SOX5: variants seen among roughly 807,000 people sequenced by gnomAD.
SOX5 encodes the protein SRY-box transcription factor 5, also known as transcription factor SOX-5.
Under a neutral mutation model 92.0 loss-of-function variants are expected in SOX5, and 9 were observed. That is an observed-to-expected ratio of 0.10 (90% CI 0.06 to 0.17). SOX5 has a LOEUF of 0.17. Ranked by LOEUF, SOX5 falls within the 10% of genes least tolerant of loss-of-function variation. The pLI, the probability that SOX5 is intolerant of heterozygous loss-of-function variation, is 1.00. For synonymous variants in SOX5, 344 were observed against 336.3 expected (o/e 1.02, Z -0.25); for missense variants, 642 against 944.5 (o/e 0.68, Z 4.20).
intron 4 of SOX5, among the ~76,000 whole-genome samples, chr12:24,209,054 TAAAGGAA>T (rs1248372094): frequency 1.3e-5 from 2 of 152,176 alleles, no homozygotes; most frequent in African/African-American, 4.8e-5. Context: ...GAGTGGTAGC[TAAAGGAA>T]AAAGTAAAAT....
At chr12:24,506,091 T>G (rs76694156) in intron 1 of SOX5, among the ~76,000 whole-genome samples, 1 of 152,298 alleles carries the variant, frequency 6.6e-6, no homozygotes, top group East Asian at 1.9e-4. Flanking sequence ...CCCCTATGTG[T>G]GACCAAAAAA....
chr12:23,865,748 C>T (rs1019603363), intron 2 of SOX5, among the ~76,000 whole-genome samples: 1 of 152,052 alleles, frequency 6.6e-6, no homozygotes, highest in Non-Finnish European at 1.5e-5. Flanking sequence ...TGTATCTTGG[C>T]AAAGTAAATT....
chr12:24,109,181 T>C (rs948367168), intron 4 of SOX5, among the ~76,000 whole-genome samples: 72 of 152,196 alleles, frequency 4.7e-4, no homozygotes, highest in African/African-American at 1.6e-3. Flanking sequence ...CTTTAAAGAG[T>C]AATCAATTTT....
intron 2 of SOX5, among the ~76,000 whole-genome samples, chr12:24,364,509 T>A (rs1955940464): frequency 2.0e-5 from 2 of 99,778 alleles, no homozygotes; most frequent in Admixed American, 1.3e-4. Flanking sequence ...TTAACATTTT[T>A]TCATATATAT....
intron 1 of SOX5, among the ~76,000 whole-genome samples, chr12:24,466,831 C>T (rs983229427): frequency 1.3e-5 from 2 of 152,160 alleles, no homozygotes; most frequent in Admixed American, 6.5e-5. Context: ...ATTTTTAAAG[C>T]TCCCCAGGTA....
chr12:23,998,253 GA>G (rs1237308951), intron 4 of SOX5, among the ~76,000 whole-genome samples: 2 of 151,760 alleles, frequency 1.3e-5, no homozygotes, highest in African/African-American at 2.4e-5. Flanking sequence ...TAAAATTACT[GA>G]AAAAAATAAA....
chr12:23,952,727 T>G (rs1945813398), upstream of SOX5, among the ~76,000 whole-genome samples: 1 of 152,136 alleles, frequency 6.6e-6, no homozygotes, highest in Admixed American at 6.5e-5. Context: ...TTTGAACTAA[T>G]GGAACTCTAA....
intron 10 of SOX5, among the ~76,000 whole-genome samples, chr12:23,566,023 T>G (rs139704734): frequency 3.5e-4 from 53 of 152,330 alleles, no homozygotes; most frequent in Admixed American, 4.6e-4. Context: ...CATTTATGCC[T>G]ATTTTGCTCC....
At chr12:24,053,212 C>A (rs1238072786) in intron 4 of SOX5, among the ~76,000 whole-genome samples, 1 of 146,106 alleles carries the variant, frequency 6.8e-6, no homozygotes, top group African/African-American at 2.5e-5. Context: ...GATGGAGTCT[C>A]ACTCTGTTGC....
intron 2 of SOX5, among the ~76,000 whole-genome samples, chr12:24,279,864 C>T (rs567065134): frequency 6.6e-6 from 1 of 152,248 alleles, no homozygotes; most frequent in African/African-American, 2.4e-5. Context: ...CCTCTGTAAA[C>T]TGCAGGGGAG....
At chr12:23,536,892 T>A (rs1940609716) in intron 13 of SOX5, among the ~76,000 whole-genome samples, 1 of 152,114 alleles carries the variant, frequency 6.6e-6, no homozygotes, top group South Asian at 2.1e-4. Context: ...TGGTTTGCAT[T>A]CTAGCCAAAC....
intron 4 of SOX5, among the ~76,000 whole-genome samples, chr12:23,746,837 C>T (rs1301764448): frequency 2.0e-5 from 3 of 151,986 alleles, no homozygotes; most frequent in African/African-American, 7.2e-5. Flanking sequence ...TGGGTGGGAG[C>T]CGGTGGGAGG....
At chr12:24,331,848 C>CAAAAAAAAAAAAACAAAA in intron 2 of SOX5, among the ~76,000 whole-genome samples, 1 of 31,658 alleles carries the variant, frequency 3.2e-5, no homozygotes, top group Non-Finnish European at 5.2e-5. Context: ...AAGACTGTCT[C>CAAAAAAAAAAAAACAAAA]AAAAAAAAAA....
intron 3 of SOX5, among the ~76,000 whole-genome samples, chr12:24,270,497 A>C (rs1311513392): frequency 6.6e-6 from 1 of 152,214 alleles, no homozygotes; most frequent in Non-Finnish European, 1.5e-5. Context: ...GAAATCTATC[A>C]ACTATTTGCT....
At chr12:24,428,717 T>C (rs1967005703) in intron 1 of SOX5, among the ~76,000 whole-genome samples, 1 of 56,424 alleles carries the variant, frequency 1.8e-5, no homozygotes. Context: ...AGAGTGAGAC[T>C]CTGTTTCTCA....
At chr12:24,477,595 C>G (rs1346345712) in intron 1 of SOX5, among the ~76,000 whole-genome samples, 1 of 152,070 alleles carries the variant, frequency 6.6e-6, no homozygotes, top group African/African-American at 2.4e-5. Flanking sequence ...ATATATTTCT[C>G]AGTACTGTAG....
intron 11 of SOX5, among the ~76,000 whole-genome samples, chr12:23,549,459 G>T (rs1943764151): frequency 6.6e-6 from 1 of 151,820 alleles, no homozygotes; most frequent in Admixed American, 6.6e-5. Flanking sequence ...CCATTTAAAG[G>T]TCACCATTCT....
At position 23,870,764 on chromosome 12, in the gene SOX5, G is replaced by T. The variant is rs553659798; in HGVS notation, c.271-24571C>A. 2.7e-5 allele frequency among the ~76,000 whole-genome samples: 4 copies of T among 149,860 alleles called. No homozygotes were observed. The South Asian group carries it at 8.5e-4, about 32-fold the overall frequency. Reference sequence around the variant, plus strand: ...AAATTGGATTTGTGCCATTCCAAGTGGTTTTGAGGTGTTCATATTTCTTAA... The same window carrying T: ...AAATTGGATTTGTGCCATTCCAAGTTGTTTTGAGGTGTTCATATTTCTTAA... On this transcript the variant is annotated intron_variant, in intron 2 of 14. Coordinates refer to ENST00000451604, the MANE Select transcript of SOX5 (RefSeq NM_006940.6).
intron 1 of SOX5, among the ~76,000 whole-genome samples, chr12:24,454,922 T>C (rs1362624745): frequency 6.6e-6 from 1 of 152,176 alleles, no homozygotes; most frequent in Non-Finnish European, 1.5e-5. Flanking sequence ...GAAATCACTT[T>C]CACTCTCTCT....
Sources: gnomAD v4.1 joint callset for allele counts (sites outside exome capture counted in the v4.1 genomes callset) on GRCh38, gnomAD v4.1.1 for gene constraint, MANE v1.5 for transcripts, NCBI Gene and HGNC (gene_info 2026-07-23, HGNC 2026-07-21) for gene names.